Variants in CDH13 observed in about 807,000 individuals in gnomAD.
CDH13 encodes the protein cadherin 13, also known as cadherin-13.
In CDH13, 24 loss-of-function variants were observed where a neutral mutation model predicts 63.8. That is an observed-to-expected ratio of 0.38 (90% CI 0.27 to 0.53). CDH13 has a LOEUF of 0.53. CDH13 is among the 20% of genes least tolerant of loss of function. The pLI is 0.85. For synonymous variants in CDH13, 503 were observed against 355.3 expected (o/e 1.42, Z -4.67); for missense variants, 1,049 against 903.1 (o/e 1.16, Z -2.07).
At chr16:82,942,056 A>C (rs151149245) in intron 2 of CDH13, among the ~76,000 whole-genome samples, 1 of 152,118 alleles carries the variant, frequency 6.6e-6, no homozygotes, top group African/African-American at 2.4e-5. Context: ...ATGAAGGCTA[A>C]TTATTTATTT....
chr16:83,098,744 G>C (rs897658713), intron 3 of CDH13, among the ~76,000 whole-genome samples: 1 of 152,060 alleles, frequency 6.6e-6, no homozygotes, highest in African/African-American at 2.4e-5. Flanking sequence ...TTTTTCCTCT[G>C]TGTGCCATGT....
intron 4 of CDH13, among the ~76,000 whole-genome samples, chr16:83,147,316 C>G (rs1256263354): frequency 2.6e-5 from 4 of 152,194 alleles, no homozygotes; most frequent in Non-Finnish European, 5.9e-5. Flanking sequence ...CCTGACCTTG[C>G]TTTGATTCTT....
intron 1 of CDH13, among the ~76,000 whole-genome samples, chr16:82,803,180 C>T (rs1046917439): frequency 6.6e-6 from 1 of 152,180 alleles, no homozygotes; most frequent in Non-Finnish European, 1.5e-5. Flanking sequence ...AGGCTACTCT[C>T]AGCTTACCTA....
chr16:82,901,324 C>CTCTGTGTGTGTG (rs777728162), intron 2 of CDH13, among the ~76,000 whole-genome samples: 1 of 130,416 alleles, frequency 7.7e-6, no homozygotes, highest in African/African-American at 3.0e-5. Flanking sequence ...TAGTATTCTC[C>CTCTGTGTGTGTG]TGTGTGTGTG....
At chr16:83,115,550 CTGCAAAGGCTCGCTAT>C (rs1229080206) in intron 3 of CDH13, among the ~76,000 whole-genome samples, 2 of 152,232 alleles carry the variant, frequency 1.3e-5, no homozygotes, top group Non-Finnish European at 2.9e-5. Flanking sequence ...TGCGTGAAGC[CTGCAAAGGCTCGCTAT>C]TGCCTTGGAA....
chr16:82,816,127 G>C (rs1217899331), intron 1 of CDH13, among the ~76,000 whole-genome samples: 1 of 152,120 alleles, frequency 6.6e-6, no homozygotes, highest in East Asian at 1.9e-4. Flanking sequence ...CCAAAGGACA[G>C]CTCCCCCAGT....
chr16:83,241,763 G>C (rs1904474757), intron 5 of CDH13, among the ~76,000 whole-genome samples: 1 of 152,256 alleles, frequency 6.6e-6, no homozygotes, highest in African/African-American at 2.4e-5. Context: ...GTCTTGCAAA[G>C]ATTTTCTCCT....
chr16:83,389,558 C>A (rs114061301), intron 6 of CDH13, among the ~76,000 whole-genome samples: 3 of 152,258 alleles, frequency 2.0e-5, no homozygotes, highest in African/African-American at 7.2e-5. Context: ...TTATTTTATT[C>A]TCCACATAAT....
intron 5 of CDH13, among the ~76,000 whole-genome samples, chr16:83,271,729 T>G (rs1351804747): frequency 6.6e-6 from 1 of 152,188 alleles, no homozygotes. Flanking sequence ...CTTTGCAAAG[T>G]CTTTTACTAG....
At chr16:83,698,346 C>T (rs1414209090) in intron 10 of CDH13, among the ~76,000 whole-genome samples, 1 of 152,216 alleles carries the variant, frequency 6.6e-6, no homozygotes, top group African/African-American at 2.4e-5. Context: ...TTGGTTTGGG[C>T]CTCCCCTTTG....
At chr16:83,649,564 G>A (rs898458320) in intron 8 of CDH13, among the ~76,000 whole-genome samples, 2 of 152,150 alleles carry the variant, frequency 1.3e-5, no homozygotes, top group Non-Finnish European at 2.9e-5. Flanking sequence ...GGGAAGGAGG[G>A]CAGGAAGGGG....
chr16:83,206,525 T>C (rs968383143), intron 4 of CDH13, among the ~76,000 whole-genome samples: 1 of 152,236 alleles, frequency 6.6e-6, no homozygotes, highest in Non-Finnish European at 1.5e-5. Flanking sequence ...ACCCGACAGT[T>C]TTGTCCTTTT....
Position 83,692,853 on chromosome 16 carries a change from G to A in CDH13, c.1538+14392G>A, listed in dbSNP as rs370947130. ...AATCCTAGCACTTTGGGAGGCCGAG[G>A]CAGGTGGATCACGAGGTCAGGAGTT... is the stretch of plus-strand genomic sequence containing the variant. On this transcript the variant is annotated intron_variant, in intron 10 of 13. Transcript: ENST00000567109. Among the ~76,000 whole-genome samples the A allele has an allele frequency of 1.0e-3, 154 of 152,312 alleles. 1 individual carries two copies. The highest frequency in any genetic ancestry group is 3.6e-3 in the African/African-American group (150 of 41,562).
At chr16:82,682,093 T>A (rs543740385) in intron 1 of CDH13, among the ~76,000 whole-genome samples, 1 of 152,366 alleles carries the variant, frequency 6.6e-6, no homozygotes, top group Admixed American at 6.5e-5. Context: ...GAATTTTTAT[T>A]GTTAAAATGT....
intron 8 of CDH13, among the ~76,000 whole-genome samples, chr16:83,620,684 G>C (rs1439798114): frequency 6.6e-6 from 1 of 152,142 alleles, no homozygotes; most frequent in African/African-American, 2.4e-5. Flanking sequence ...AGAGGGTCTT[G>C]TTGTCCCTCC....
rs541489086 is a variant in CDH13, at chr16:83,550,658, C to T, written c.961-51796C>T. Among the ~76,000 whole-genome samples, 9 of 152,242 alleles carry T rather than the reference C, an allele frequency of 5.9e-5. No individual in the cohort carries two copies. The South Asian group carries it at 6.2e-4, about 11-fold the overall frequency. On this transcript the variant is annotated intron_variant, in intron 7 of 13. Coordinates refer to ENST00000567109, the MANE Select transcript of CDH13 (RefSeq NM_001257.5). Reference sequence around the variant, plus strand: ...TCTGATGAATGTCTAGCAAAGTTTTCCTTGTGAAACCTCATGGAAAGTTCC... The same window carrying T: ...TCTGATGAATGTCTAGCAAAGTTTTTCTTGTGAAACCTCATGGAAAGTTCC...
chr16:82,833,546 C>G (rs1007669034), intron 1 of CDH13, among the ~76,000 whole-genome samples: 1 of 152,198 alleles, frequency 6.6e-6, no homozygotes, highest in Non-Finnish European at 1.5e-5. Flanking sequence ...CTGAGTGCTT[C>G]CCTTCTGGAC....
intron 6 of CDH13, among the ~76,000 whole-genome samples, chr16:83,449,565 A>T (rs1483684183): frequency 2.0e-5 from 3 of 152,244 alleles, no homozygotes; most frequent in South Asian, 4.1e-4. Flanking sequence ...AGTCCTTGGA[A>T]TTTCGCTTCT....
chr16:83,388,495 G>A (rs1485217292), intron 6 of CDH13, among the ~76,000 whole-genome samples: 1 of 152,066 alleles, frequency 6.6e-6, no homozygotes, highest in East Asian at 1.9e-4. Context: ...GAGATTTGAT[G>A]ATATTGGACA....
Sources: allele counts gnomAD v4.1 joint callset (sites outside exome capture counted in the v4.1 genomes callset), GRCh38; gene constraint gnomAD v4.1.1; transcripts MANE v1.5; gene names NCBI Gene and HGNC (gene_info 2026-07-23, HGNC 2026-07-21).